The following SAXO1 variants were observed in gnomAD, a reference collection of about 807,000 sequenced individuals.
SAXO1 encodes the protein 4930500O09Rik.
Under a neutral mutation model 17.5 loss-of-function variants are expected in SAXO1, and 21 were observed. That is an observed-to-expected ratio of 1.20 (90% confidence interval 0.85 to 1.72). SAXO1 has a LOEUF of 1.72. SAXO1 is among the 40% of genes most tolerant of loss of function. The pLI is 0.00. For missense variants in SAXO1, 843 were observed against 596.0 expected, an observed-to-expected ratio of 1.41 and a Z score of -4.32; for synonymous variants, 274 against 216.5, an observed-to-expected ratio of 1.27 and a Z score of -2.33.
intron 1 of SAXO1, among the ~76,000 whole-genome samples, chr9:18,993,536 T>G (rs2131847716): frequency 6.6e-6 from 1 of 152,188 alleles, no homozygotes; most frequent in South Asian, 2.1e-4. Context: ...ATCACCAGAG[T>G]GAAAGACGTC....
chr9:18,948,172 C>G (rs1190012722), intron 2 of SAXO1, among the ~76,000 whole-genome samples: 2 of 152,292 alleles, frequency 1.3e-5, no homozygotes, highest in Non-Finnish European at 2.9e-5. Context: ...GGGGAACACC[C>G]AGATGGTAGC....
intron 1 of SAXO1, among the ~76,000 whole-genome samples, chr9:18,954,086 G>C (rs1253261928): frequency 6.6e-6 from 1 of 152,156 alleles, no homozygotes. Flanking sequence ...GACATACCCA[G>C]ATGGATCCAT....
At chr9:18,971,228 T>C (rs1044334992) in intron 1 of SAXO1, among the ~76,000 whole-genome samples, 10 of 152,294 alleles carry the variant, frequency 6.6e-5, no homozygotes, top group East Asian at 1.9e-4. Context: ...CCAAATTCAA[T>C]TGAGCAGCGA....
intron 1 of SAXO1, among the ~76,000 whole-genome samples, chr9:18,967,134 G>A: frequency 6.6e-6 from 1 of 152,188 alleles, no homozygotes; most frequent in East Asian, 1.9e-4. Flanking sequence ...TCCCAGAGGG[G>A]CACCTGCCAG....
intron 1 of SAXO1, among the ~76,000 whole-genome samples, chr9:18,971,237 G>A (rs1262263748): frequency 2.0e-5 from 3 of 152,136 alleles, no homozygotes; most frequent in Non-Finnish European, 1.5e-5. Flanking sequence ...ATTGAGCAGC[G>A]AGGATTTTCT....
chr9:19,019,147 T>C (rs1835120241), intron 1 of SAXO1, among the ~76,000 whole-genome samples: 1 of 152,130 alleles, frequency 6.6e-6, no homozygotes, highest in African/African-American at 2.4e-5. Context: ...CTTAATTTTC[T>C]TGGTTTTTCA....
chr9:18,971,594 C>A (rs981195219), intron 1 of SAXO1, among the ~76,000 whole-genome samples: 4 of 152,098 alleles, frequency 2.6e-5, no homozygotes, highest in Non-Finnish European at 4.4e-5. Context: ...TTATAAGACA[C>A]CCCCTACTTT....
chr9:18,951,879 T>C (rs1832053832), intron 1 of SAXO1, among the ~76,000 whole-genome samples: 1 of 152,232 alleles, frequency 6.6e-6, no homozygotes, highest in African/African-American at 2.4e-5. Context: ...TTTCATTCAG[T>C]AAATGTTTAC....
At chr9:19,009,497 G>A (rs1834632554) in intron 1 of SAXO1, among the ~76,000 whole-genome samples, 1 of 152,154 alleles carries the variant, frequency 6.6e-6, no homozygotes, top group Non-Finnish European at 1.5e-5. Flanking sequence ...GCAAAAAGGG[G>A]GAAGCTGCAG....
Position 19,004,565 on chromosome 9 carries a change from A to G in SAXO1, c.38+28306T>C, listed in dbSNP as rs542187772. 2.0e-5 allele frequency among the ~76,000 whole-genome samples: 3 copies of G among 152,334 alleles called. No individual in the cohort carries two copies. In the South Asian group the frequency reaches 6.2e-4, roughly 32 times the overall value. ...AAAAGGATGACTTCATGTCTTTTTCATGGACATGGATGAAGCTGGAAACCA... is the reference window on the plus strand; with the variant it reads ...AAAAGGATGACTTCATGTCTTTTTCGTGGACATGGATGAAGCTGGAAACCA... On this transcript the variant is annotated intron_variant, in intron 1 of 3. Coordinates refer to ENST00000380534, the MANE Select transcript of SAXO1 (RefSeq NM_153707.4).
chr9:18,947,226 C>A (rs952769950), intron 2 of SAXO1, among the ~76,000 whole-genome samples: 2 of 152,096 alleles, frequency 1.3e-5, no homozygotes, highest in African/African-American at 4.8e-5. Context: ...TCTCTTTGAA[C>A]AAAAAATATA....
chr9:18,979,836 A>C (rs554148235), intron 1 of SAXO1, among the ~76,000 whole-genome samples: 17 of 152,290 alleles, frequency 1.1e-4, no homozygotes, highest in African/African-American at 4.1e-4. Flanking sequence ...GAAAGACCTC[A>C]TTTTTCTTTT....
intron 1 of SAXO1, among the ~76,000 whole-genome samples, chr9:19,044,718 C>T (rs1000504994): frequency 1.6e-4 from 24 of 151,900 alleles, no homozygotes; most frequent in African/African-American, 5.8e-4. Context: ...AAAAAATTAG[C>T]TGGGTGTGGT....
chr9:18,931,628 A>C (rs1162496735), intron 3 of SAXO1, among the ~76,000 whole-genome samples: 4 of 152,236 alleles, frequency 2.6e-5, no homozygotes, highest in African/African-American at 9.6e-5. Flanking sequence ...GCCATTTTAC[A>C]TCCCACCAGC....
chr9:18,953,849 C>G (rs1328068798), intron 1 of SAXO1, among the ~76,000 whole-genome samples: 2 of 152,194 alleles, frequency 1.3e-5, no homozygotes, highest in African/African-American at 4.8e-5. Flanking sequence ...TATCAAGGAA[C>G]AGAAAATAAT....
In SAXO1 at chr9:18,928,888, A is replaced by G. The variant is rs1272954878; in HGVS notation, c.589T>C (p.Cys197Arg). The G allele has an allele frequency of 2.9e-5, 47 of 1,614,106 alleles. No individual in the cohort carries two copies. The highest frequency in any genetic ancestry group is 3.9e-5 in the Non-Finnish European group (46 of 1,180,046). ...SCKPLAMPKL[C>R]NIPLEDVTNY... ...GTCACATCCTCCAAGGGGATGTTAC[A>G]GAGCTTTGGCATGGCCAGAGGTTTA... Residue 197 changes from cysteine (C) to arginine (R), a missense_variant, in exon 4 of 4, where the codon TGT becomes CGT. Physicochemically the swap from Cys to Arg is radical, Grantham distance 180. Transcript: ENST00000380534.
At chr9:18,942,889 C>A (rs1831632815) in intron 2 of SAXO1, among the ~76,000 whole-genome samples, 1 of 152,218 alleles carries the variant, frequency 6.6e-6, no homozygotes. Flanking sequence ...GCCTGGAACC[C>A]ATTTATTCAA....
chr9:19,000,391 G>A (rs1399050745), intron 1 of SAXO1, among the ~76,000 whole-genome samples: 1 of 151,714 alleles, frequency 6.6e-6, no homozygotes, highest in African/African-American at 2.4e-5. Flanking sequence ...TGGGAAGTGA[G>A]GAGCGCCTCC....
chr9:18,976,492 G>A (rs1450552787), intron 1 of SAXO1, among the ~76,000 whole-genome samples: 1 of 152,226 alleles, frequency 6.6e-6, no homozygotes, highest in South Asian at 2.1e-4. Flanking sequence ...TTTAAGTGAA[G>A]TCCTGGGGTG....
Sources: allele counts gnomAD v4.1 joint callset (sites outside exome capture counted in the v4.1 genomes callset), GRCh38; gene constraint gnomAD v4.1.1; transcripts MANE v1.5; gene names NCBI Gene and HGNC (gene_info 2026-07-23, HGNC 2026-07-21).